Variants in DCBLD1 observed in about 807,000 individuals in gnomAD.
DCBLD1 encodes the protein discoidin, CUB and LCCL domain-containing protein 1.
A neutral mutation model predicts 71.5 loss-of-function variants in DCBLD1; 57 were observed. The observed-to-expected ratio is 0.80, with a 90% CI of 0.64 to 0.99. DCBLD1 has a LOEUF of 0.99. DCBLD1 is among the 50% of genes least tolerant of loss of function. The pLI is 0.00. For synonymous variants in DCBLD1, 380 were observed against 363.8 expected, an observed-to-expected ratio of 1.04 and a Z score of -0.51; for missense variants, 891 against 923.5, an observed-to-expected ratio of 0.96 and a Z score of 0.46.
In DCBLD1 at chr6:117,538,995, A is replaced by G. The variant is rs186896551; in HGVS notation, c.976+160A>G. The G allele has an allele frequency of 1.6e-4, 142 of 867,156 alleles. No homozygotes were observed. The African/African-American group carries it at 2.2e-3, about 14-fold the overall frequency. 53.7% of individuals were successfully genotyped at this position (867,156 alleles called of 1,614,324 possible). A position where few individuals can be genotyped will look rare whatever the true frequency, so the allele number is the denominator to read the frequency against. ...AACAAATCTTTACATTCTTTCTGTG[A>G]AAAGAATCTGTATGCAAGTTGTAAA... is the stretch of plus-strand genomic sequence containing the variant. On this transcript the variant is annotated intron_variant, in intron 8 of 14. Coordinates refer to ENST00000338728, the MANE Select transcript of DCBLD1 (RefSeq NM_001366458.2).
At chr6:117,497,890 A>T (rs1277276627) in intron 1 of DCBLD1, among the ~76,000 whole-genome samples, 1 of 152,176 alleles carries the variant, frequency 6.6e-6, no homozygotes, top group Non-Finnish European at 1.5e-5. Context: ...TAGAGGAAAA[A>T]TGTATAAATA....
intron 12 of DCBLD1, 86 bp from the exon 13 acceptor site, chr6:117,544,442 T>C: frequency 1.4e-6 from 2 of 1,381,964 alleles, no homozygotes; most frequent in Non-Finnish European, 2.0e-6. Context: ...ATGAGGTAAG[T>C]ACTATTATGA....
intron 4 of DCBLD1, among the ~76,000 whole-genome samples, chr6:117,521,916 A>G (rs1280486012): frequency 2.0e-5 from 3 of 152,232 alleles, no homozygotes; most frequent in Non-Finnish European, 2.9e-5. Flanking sequence ...CCAAAACATC[A>G]GTAGGGCGGA....
At chr6:117,483,318 C>G (rs1476516634) in intron 1 of DCBLD1, among the ~76,000 whole-genome samples, 1 of 152,220 alleles carries the variant, frequency 6.6e-6, no homozygotes, top group African/African-American at 2.4e-5. Flanking sequence ...CAAAGCCGCT[C>G]CTCGGCCGGC....
At chr6:117,503,660 C>T (rs2114425696) in intron 1 of DCBLD1, 107 bp from the exon 2 acceptor site, 2 of 1,254,890 alleles carry the variant, frequency 1.6e-6, no homozygotes, top group Middle Eastern at 1.9e-4. Flanking sequence ...TTCCTTCTGC[C>T]CAAAAACAAT....
chr6:117,565,581 C>T (rs917151059), intron 14 of DCBLD1, among the ~76,000 whole-genome samples: 4 of 152,166 alleles, frequency 2.6e-5, no homozygotes, highest in African/African-American at 9.6e-5. Flanking sequence ...TGACACATTT[C>T]ACTTTACTGT....
intron 6 of DCBLD1, among the ~76,000 whole-genome samples, chr6:117,535,991 A>G (rs140296754): frequency 6.6e-6 from 1 of 152,298 alleles, no homozygotes; most frequent in African/African-American, 2.4e-5. Context: ...AGAAGAACCT[A>G]GATGTGGAAT....
intron 2 of DCBLD1, among the ~76,000 whole-genome samples, chr6:117,518,037 G>GC (rs1778261158): frequency 6.6e-6 from 1 of 152,072 alleles, no homozygotes; most frequent in African/African-American, 2.4e-5. Flanking sequence ...CTTTTCTATC[G>GC]CACTGTCAGG....
At chr6:117,539,013 G>T (rs750392895) in intron 8 of DCBLD1, 178 bp downstream of exon 8, 16 of 769,270 alleles carry the variant, frequency 2.1e-5, no homozygotes, top group Non-Finnish European at 2.7e-5. Flanking sequence ...CTGTATGCAA[G>T]TTGTAAATAT....
At chr6:117,538,415 A>C (rs1778971930) in intron 7 of DCBLD1, among the ~76,000 whole-genome samples, 1 of 152,234 alleles carries the variant, frequency 6.6e-6, no homozygotes, top group Non-Finnish European at 1.5e-5. Context: ...ATTAAAAAGA[A>C]AAGCAATAAC....
intron 14 of DCBLD1, among the ~76,000 whole-genome samples, chr6:117,568,619 A>G (rs1779745581): frequency 6.6e-6 from 1 of 152,216 alleles, no homozygotes; most frequent in African/African-American, 2.4e-5. Flanking sequence ...ACCATTTTGC[A>G]GAAAGAGACA....
downstream of DCBLD1, among the ~76,000 whole-genome samples, chr6:117,553,829 G>T (rs1274383916): frequency 6.6e-6 from 1 of 152,092 alleles, no homozygotes; most frequent in Admixed American, 6.6e-5. Flanking sequence ...TATGTATCAA[G>T]AACTAGTATG....
At chr6:117,546,175 TTTA>T (rs1302730879) in intron 14 of DCBLD1, among the ~76,000 whole-genome samples, 1 of 152,216 alleles carries the variant, frequency 6.6e-6, no homozygotes, top group African/African-American at 2.4e-5. Flanking sequence ...GCTCTAATTT[TTTA>T]TTATTAGATT....
intron 13 of DCBLD1, 148 bp from the exon 14 acceptor site, chr6:117,545,330 T>C: frequency 9.8e-7 from 1 of 1,022,268 alleles, no homozygotes; most frequent in Admixed American, 2.4e-5. Context: ...CTTGGCATGC[T>C]GTTCTTAGCA....
chr6:117,529,839 G>A (rs1432286729), intron 5 of DCBLD1, among the ~76,000 whole-genome samples: 3 of 152,134 alleles, frequency 2.0e-5, no homozygotes, highest in Non-Finnish European at 4.4e-5. Flanking sequence ...ACCTATTATG[G>A]AAAGCCATAG....
At chr6:117,547,400 C>T (rs975716362) in intron 14 of DCBLD1, among the ~76,000 whole-genome samples, 3 of 152,132 alleles carry the variant, frequency 2.0e-5, no homozygotes, top group African/African-American at 4.8e-5. Context: ...ATTGGAATAG[C>T]GCCTGGCAAA....
At chr6:117,527,145 CTT>C (rs1778570983) in intron 5 of DCBLD1, among the ~76,000 whole-genome samples, 1 of 152,174 alleles carries the variant, frequency 6.6e-6, no homozygotes, top group Non-Finnish European at 1.5e-5. Context: ...AAGGGAGAGT[CTT>C]TGAGCAAAGG....
At chr6:117,536,523 C>T (rs568848507) in intron 6 of DCBLD1, among the ~76,000 whole-genome samples, 155 of 152,318 alleles carry the variant, frequency 1.0e-3, no homozygotes, top group African/African-American at 3.5e-3. Context: ...GTGATAGAAG[C>T]GGCAGTAAGG....
intron 5 of DCBLD1, among the ~76,000 whole-genome samples, chr6:117,531,809 C>A (rs1338935252): frequency 1.3e-5 from 2 of 152,190 alleles, no homozygotes; most frequent in African/African-American, 4.8e-5. Context: ...TGTCTAATAG[C>A]CTAAGTATAA....
Sources: gnomAD v4.1 joint callset for allele counts (sites outside exome capture counted in the v4.1 genomes callset) on GRCh38, gnomAD v4.1.1 for gene constraint, MANE v1.5 for transcripts, NCBI Gene and HGNC (gene_info 2026-07-23, HGNC 2026-07-21) for gene names.